SUCLG2: variants seen among roughly 807,000 people sequenced by gnomAD.
The protein encoded by SUCLG2 is succinate-CoA ligase GDP-forming subunit beta.
SUCLG2 carries 42 observed loss-of-function variants against 47.9 expected under a neutral mutation model. That is an observed-to-expected ratio of 0.88 (90% confidence interval 0.69 to 1.14). The LOEUF (loss-of-function observed/expected upper bound fraction) is 1.14. Ranked by LOEUF, SUCLG2 falls within the 50% of genes most tolerant of loss-of-function variation. The pLI is 0.00. For missense variants in SUCLG2, 571 were observed against 525.9 expected (o/e 1.09, Z -0.84); for synonymous variants, 195 against 197.3 (o/e 0.99, Z 0.10).
At chr3:67,479,654 C>T (rs1387594092) in intron 9 of SUCLG2, among the ~76,000 whole-genome samples, 5 of 152,076 alleles carry the variant, frequency 3.3e-5, no homozygotes, top group African/African-American at 4.8e-5. Context: ...ATTAAATGCA[C>T]GAAGAGCAGT....
chr3:67,412,689 C>T (rs1702955251), intron 9 of SUCLG2, among the ~76,000 whole-genome samples: 1 of 152,148 alleles, frequency 6.6e-6, no homozygotes, highest in African/African-American at 2.4e-5. Flanking sequence ...AGGATATTCT[C>T]TTCTGGTCAA....
intron 9 of SUCLG2, among the ~76,000 whole-genome samples, chr3:67,436,565 G>A (rs1008379090): frequency 9.2e-5 from 14 of 152,164 alleles, no homozygotes; most frequent in African/African-American, 2.9e-4. Context: ...AACTAGCAGC[G>A]ATGTGCTAGT....
chr3:67,617,832 T>C (rs1700657818), intron 1 of SUCLG2, among the ~76,000 whole-genome samples: 1 of 152,202 alleles, frequency 6.6e-6, no homozygotes, highest in South Asian at 2.1e-4. Flanking sequence ...CCATGACAAG[T>C]ACTCAAAAAA....
intron 1 of SUCLG2, among the ~76,000 whole-genome samples, chr3:67,641,746 G>GT (rs1166083833): frequency 6.6e-6 from 1 of 152,148 alleles, no homozygotes; most frequent in Non-Finnish European, 1.5e-5. Context: ...ACCACATACT[G>GT]GGTGGCTGAA....
intron 10 of SUCLG2, among the ~76,000 whole-genome samples, chr3:67,389,365 C>A (rs760743720): frequency 1.1e-4 from 16 of 152,032 alleles, no homozygotes; most frequent in Admixed American, 3.3e-4. Context: ...ATACAGGGGG[C>A]CATCCAAGGA....
intron 9 of SUCLG2, among the ~76,000 whole-genome samples, chr3:67,489,815 T>A (rs1705160976): frequency 6.6e-6 from 1 of 152,188 alleles, no homozygotes; most frequent in African/African-American, 2.4e-5. Context: ...GCCTCATAAG[T>A]GATCTTAACT....
chr3:67,414,923 A>G (rs562604749), intron 9 of SUCLG2, among the ~76,000 whole-genome samples: 15 of 152,262 alleles, frequency 9.9e-5, no homozygotes, highest in Non-Finnish European at 1.9e-4. Context: ...TGTCGCAATC[A>G]CAGCTCATTG....
At chr3:67,385,728 T>C (rs771449118) in intron 10 of SUCLG2, among the ~76,000 whole-genome samples, 1 of 152,216 alleles carries the variant, frequency 6.6e-6, no homozygotes, top group Non-Finnish European at 1.5e-5. Context: ...ATAAGGTGCA[T>C]CCTCCAACTA....
rs79401717 is a variant in SUCLG2 at position 67,555,423 on chromosome 3, T to G, written c.227-26237A>C. Reference sequence around the variant, plus strand: ...ATGTCTATACACACATACTACCTCCTGAGATGGCCTAAAAGCAGTAATGCC... The same window carrying G: ...ATGTCTATACACACATACTACCTCCGGAGATGGCCTAAAAGCAGTAATGCC... On this transcript the variant is annotated intron_variant, in intron 2 of 10. Coordinates refer to ENST00000307227, the MANE Select transcript of SUCLG2 (RefSeq NM_003848.4). 1.5e-3 allele frequency among the ~76,000 whole-genome samples: 227 copies of G among 152,306 alleles called. 1 individual carries two copies. The highest frequency in any genetic ancestry group is 5.1e-3 in the African/African-American group (212 of 41,566).
At chr3:67,478,727 G>A (rs1704832187) in intron 9 of SUCLG2, among the ~76,000 whole-genome samples, 1 of 152,168 alleles carries the variant, frequency 6.6e-6, no homozygotes, top group African/African-American at 2.4e-5. Context: ...ATAAAATCTA[G>A]TGGGAGGTTG....
At chr3:67,595,951 G>C (rs1388094468) in intron 2 of SUCLG2, among the ~76,000 whole-genome samples, 2 of 152,222 alleles carry the variant, frequency 1.3e-5, no homozygotes, top group African/African-American at 4.8e-5. Flanking sequence ...AGATGAATGT[G>C]TCTCCTAAGA....
At chr3:67,562,889 G>T (rs1420579618) in intron 2 of SUCLG2, among the ~76,000 whole-genome samples, 1 of 151,950 alleles carries the variant, frequency 6.6e-6, no homozygotes, top group African/African-American at 2.4e-5. Flanking sequence ...TTAGTGAACT[G>T]TGTATGTATG....
intron 9 of SUCLG2, among the ~76,000 whole-genome samples, chr3:67,455,842 C>T (rs1704172500): frequency 6.6e-6 from 1 of 152,190 alleles, no homozygotes; most frequent in South Asian, 2.1e-4. Flanking sequence ...GGCAAGAACA[C>T]CACAATATTC....
intron 9 of SUCLG2, among the ~76,000 whole-genome samples, chr3:67,440,113 A>G (rs535943044): frequency 1.3e-5 from 2 of 152,362 alleles, no homozygotes; most frequent in East Asian, 3.9e-4. Flanking sequence ...CAAACCTGAC[A>G]AAAACAAGCA....
At chr3:67,374,118 T>A (rs567398981), downstream of SUCLG2, among the ~76,000 whole-genome samples, 5 of 152,286 alleles carry the variant, frequency 3.3e-5, no homozygotes, top group African/African-American at 1.2e-4. Flanking sequence ...TATAGGTTAT[T>A]TTTTTTACTG....
At chr3:67,620,838 G>C (rs1452932507) in intron 1 of SUCLG2, among the ~76,000 whole-genome samples, 1 of 152,142 alleles carries the variant, frequency 6.6e-6, no homozygotes, top group East Asian at 1.9e-4. Context: ...GGTGACAGAG[G>C]AGCATGAAAA....
chr3:67,375,637 C>A lies in SUCLG2; in HGVS notation c.*107G>T. ...GATTTTTCAGTGATTCTTGCCTTCCCCCTCCCCTTTTCTTCCCCAATGAGA... is the reference window on the plus strand; with the variant it reads ...GATTTTTCAGTGATTCTTGCCTTCCACCTCCCCTTTTCTTCCCCAATGAGA... On this transcript the variant is annotated 3_prime_UTR_variant, in exon 11 of 11. Transcript: ENST00000307227. 1 of 1,454,294 alleles carries A rather than the reference C, an allele frequency of 6.9e-7. No homozygotes were observed. Among genetic ancestry groups the A allele is most frequent in the Non-Finnish European group, 9.1e-7 (1 of 1,102,156 alleles). The allele number at this position is 1,454,294 out of a possible 1,614,324, so 90.1% of individuals were successfully genotyped here.
intron 9 of SUCLG2, among the ~76,000 whole-genome samples, chr3:67,462,837 G>A (rs1158163637): frequency 6.6e-6 from 1 of 152,166 alleles, no homozygotes; most frequent in Non-Finnish European, 1.5e-5. Flanking sequence ...CTCAACCTGT[G>A]GGATCTGAGA....
intron 4 of SUCLG2, among the ~76,000 whole-genome samples, chr3:67,527,226 G>A (rs1245605565): frequency 2.0e-5 from 3 of 152,224 alleles, no homozygotes; most frequent in Non-Finnish European, 4.4e-5. Flanking sequence ...CATTGGTAGA[G>A]ACCACTGATC....
Sources: allele counts gnomAD v4.1 joint callset (sites outside exome capture counted in the v4.1 genomes callset), GRCh38; gene constraint gnomAD v4.1.1; transcripts MANE v1.5; gene names NCBI Gene and HGNC (gene_info 2026-07-23, HGNC 2026-07-21).